PTPRN2: variants seen among roughly 807,000 people sequenced by gnomAD.
PTPRN2 encodes the protein protein tyrosine phosphatase receptor type N2.
A neutral mutation model predicts 118.8 loss-of-function variants in PTPRN2; 74 were observed. That is an observed-to-expected ratio of 0.62 (90% confidence interval 0.52 to 0.76). The LOEUF is 0.76. Ranked by LOEUF, PTPRN2 falls within the 30% of genes least tolerant of loss-of-function variation. The pLI, the probability that PTPRN2 is intolerant of heterozygous loss-of-function variation, is 0.00. For synonymous variants in PTPRN2, 641 were observed against 608.0 expected (o/e 1.05, Z -0.80); for missense variants, 1,481 against 1,394.4 (o/e 1.06, Z -0.99).
At chr7:158,220,412 A>G (rs1828273642) in intron 3 of PTPRN2, among the ~76,000 whole-genome samples, 1 of 152,176 alleles carries the variant, frequency 6.6e-6, no homozygotes, top group East Asian at 1.9e-4. Context: ...CTATACATAG[A>G]AACCCCTAAA....
At chr7:158,173,415 G>A (rs1052054324) in intron 5 of PTPRN2, among the ~76,000 whole-genome samples, 1 of 152,212 alleles carries the variant, frequency 6.6e-6, no homozygotes, top group Admixed American at 6.5e-5. Flanking sequence ...AAACCAGCAA[G>A]TTTTTATTAG....
chr7:158,536,976 G>A (rs897995819), intron 1 of PTPRN2, among the ~76,000 whole-genome samples: 1 of 152,194 alleles, frequency 6.6e-6, no homozygotes, highest in Non-Finnish European at 1.5e-5. Flanking sequence ...ATGGTGTTAG[G>A]AGGGCCCTCT....
At chr7:158,448,570 G>A (rs1340758972) in intron 2 of PTPRN2, among the ~76,000 whole-genome samples, 3 of 152,128 alleles carry the variant, frequency 2.0e-5, no homozygotes, top group African/African-American at 7.2e-5. Context: ...GGCCCCCAGG[G>A]GAGCCCCTCA....
At chr7:158,461,605 G>T (rs138433470) in intron 2 of PTPRN2, among the ~76,000 whole-genome samples, 4 of 151,870 alleles carry the variant, frequency 2.6e-5, no homozygotes, top group African/African-American at 9.7e-5. Context: ...GCATAATTAC[G>T]TACTTTTTCC....
chr7:157,615,638 G>A lies in PTPRN2; in HGVS notation c.2344+5724C>T, dbSNP rs1802718726. On this transcript the variant is annotated intron_variant, in intron 15 of 22. Coordinates refer to ENST00000389418, the MANE Select transcript of PTPRN2 (RefSeq NM_002847.5). The surrounding 1 kb of genome is among the most constrained non-coding windows in gnomAD (Gnocchi z 4.3). ...TGGCTCAGCACTGGTCCTGCGGAAT[G>A]TGTTTTTATCAATGACTTGACGACG... 2.1e-6 allele frequency: 1 copy of A among 468,768 alleles called. No individual in the cohort carries two copies. Among genetic ancestry groups the A allele is most frequent in the East Asian group, 7.0e-5 (1 of 14,302 alleles). The allele number at this position is 468,768 out of a possible 1,614,324, so 29.0% of individuals were successfully genotyped here.
At chr7:158,088,013 A>G (rs1485094732) in intron 10 of PTPRN2, among the ~76,000 whole-genome samples, 1 of 106,056 alleles carries the variant, frequency 9.4e-6, no homozygotes, top group Admixed American at 1.0e-4. Flanking sequence ...CCCTGAGGAA[A>G]GGGGGAGTCT....
At position 157,881,010 on chromosome 7, in the gene PTPRN2, G is replaced by C. The variant is rs779425796; in HGVS notation, c.1788+17663C>G. Among the ~76,000 whole-genome samples the C allele has an allele frequency of 6.6e-6, 1 of 152,220 alleles. No individual in the cohort carries two copies. The highest frequency in any genetic ancestry group is 1.5e-5 in the Non-Finnish European group (1 of 68,046). ...GTGCCTATGGGAAGCTCTAATCCCA[G>C]AACTTCCGAATGTGACTGTATGTGG... On this transcript the variant is annotated intron_variant, in intron 12 of 22. Transcript: ENST00000389418. The surrounding 1 kb of genome is among the most constrained non-coding windows in gnomAD (Gnocchi z 4.7).
At chr7:158,557,389 C>G (rs1405899431) in intron 1 of PTPRN2, among the ~76,000 whole-genome samples, 1 of 148,284 alleles carries the variant, frequency 6.7e-6, no homozygotes, top group Non-Finnish European at 1.5e-5. Context: ...GCAGTTTAGG[C>G]AGCTCCCGCG....
At chr7:157,751,476 C>T (rs527460477) in intron 12 of PTPRN2, among the ~76,000 whole-genome samples, 15 of 152,286 alleles carry the variant, frequency 9.8e-5, no homozygotes, top group Admixed American at 2.0e-4. Flanking sequence ...GCCGGCAGCT[C>T]GCAGGAGTGG....
chr7:158,218,129 G>A (rs1026956336), intron 3 of PTPRN2, among the ~76,000 whole-genome samples: 2 of 152,042 alleles, frequency 1.3e-5, no homozygotes, highest in Non-Finnish European at 2.9e-5. Flanking sequence ...CATCCCCAAG[G>A]CATATGGTCA....
At chr7:157,803,523 T>C (rs1047006335) in intron 12 of PTPRN2, among the ~76,000 whole-genome samples, 10 of 152,228 alleles carry the variant, frequency 6.6e-5, no homozygotes, top group Admixed American at 5.9e-4. Flanking sequence ...ATGAATGTCA[T>C]CATGCTTCCC....
At chr7:158,051,717 T>C (rs1055317370) in intron 11 of PTPRN2, among the ~76,000 whole-genome samples, 2 of 152,248 alleles carry the variant, frequency 1.3e-5, no homozygotes, top group Non-Finnish European at 2.9e-5. Flanking sequence ...TTTTTTTAGA[T>C]GTGTTTTTTA....
At chr7:157,976,679 C>T (rs575800361) in intron 11 of PTPRN2, among the ~76,000 whole-genome samples, 3 of 151,948 alleles carry the variant, frequency 2.0e-5, no homozygotes, top group South Asian at 4.2e-4. Flanking sequence ...CATGCTTGCA[C>T]GTAGCCGTGG....
intron 12 of PTPRN2, among the ~76,000 whole-genome samples, chr7:157,776,482 CCTCCCTCTCCTT>C (rs1563096805): frequency 2.2e-4 from 32 of 142,526 alleles, no homozygotes; most frequent in Admixed American, 4.1e-4. Context: ...TCCCTCTCCT[CCTCCCTCTCCTT>C]CTCCCTCTCC....
At chr7:158,315,474 A>G (rs1802238505) in intron 3 of PTPRN2, among the ~76,000 whole-genome samples, 1 of 142,782 alleles carries the variant, frequency 7.0e-6, no homozygotes. Flanking sequence ...GACTCCCTGA[A>G]GGATAGAGGT....
intron 16 of PTPRN2, 129 bp from the exon 17 acceptor site, chr7:157,595,444 C>T: frequency 1.2e-6 from 1 of 807,360 alleles, no homozygotes; most frequent in South Asian, 1.7e-5. Flanking sequence ...CGTTAAGAAA[C>T]CCGGAGGTTA....
chr7:157,563,261 C>A (rs1271854795), intron 21 of PTPRN2, among the ~76,000 whole-genome samples: 6 of 140,874 alleles, frequency 4.3e-5, no homozygotes, highest in African/African-American at 1.6e-4. Context: ...CACAGCAGAT[C>A]AGGACCACGT....
chr7:157,602,543 C>T (rs932862310), intron 16 of PTPRN2, among the ~76,000 whole-genome samples: 2 of 151,286 alleles, frequency 1.3e-5, no homozygotes, highest in Non-Finnish European at 2.9e-5. Flanking sequence ...CATCAGTGGC[C>T]ACTGAGACCA....
At chr7:157,772,342 C>G (rs1269930272) in intron 12 of PTPRN2, among the ~76,000 whole-genome samples, 2 of 134,484 alleles carry the variant, frequency 1.5e-5, no homozygotes, top group Non-Finnish European at 3.0e-5. Context: ...TACACACAGA[C>G]ATACACACAC....
Sources: allele counts gnomAD v4.1 joint callset (sites outside exome capture counted in the v4.1 genomes callset), GRCh38; gene constraint gnomAD v4.1.1; non-coding constraint Gnocchi (gnomAD v3.1); transcripts MANE v1.5; gene names NCBI Gene and HGNC (gene_info 2026-07-23, HGNC 2026-07-21).